DNTT: variants seen among roughly 807,000 people sequenced by gnomAD.
DNTT encodes the protein DNA nucleotidylexotransferase, also known as nucleosidetriphosphate:DNA deoxynucleotidylexotransferase.
DNTT carries 47 observed loss-of-function variants against 60.9 expected under a neutral mutation model. The ratio of observed to expected loss-of-function variants is 0.77; its 90% CI spans 0.61 to 0.98. DNTT has a LOEUF of 0.98. Among genes scored for constraint, DNTT ranks in the 50% least tolerant of loss-of-function variants. The pLI, the probability that DNTT is intolerant of heterozygous loss-of-function variation, is 0.00. For synonymous variants in DNTT, 224 were observed against 221.2 expected, an observed-to-expected ratio of 1.01 and a Z score of -0.11; for missense variants, 665 against 627.5, an observed-to-expected ratio of 1.06 and a Z score of -0.64.
chr10:96,320,935 T>C, intron 4 of DNTT, 147 bp downstream of exon 4: 1 of 561,620 alleles, frequency 1.8e-6, no homozygotes, highest in Non-Finnish European at 2.7e-6. Flanking sequence ...CTCTCTCTCC[T>C]CTGTCTCTCT....
chr10:96,336,027 C>A (rs1466213694), intron 10 of DNTT, 53 bp downstream of exon 10: 3 of 1,583,000 alleles, frequency 1.9e-6, no homozygotes, highest in African/African-American at 2.7e-5. Flanking sequence ...CCAAGGCTGG[C>A]CCCCGAGCTT....
rs574457767 is a variant in DNTT, at chr10:96,333,514, C to T, written c.1359+918C>T. On this transcript the variant is annotated intron_variant, in intron 9 of 10. Transcript: ENST00000371174. Reference sequence around the variant, plus strand: ...TATGTCAAAGAGAGGTCTGCACTCCCGTGTTCATTGCAGCATGATACACCA... The same window carrying T: ...TATGTCAAAGAGAGGTCTGCACTCCTGTGTTCATTGCAGCATGATACACCA... Among the ~76,000 whole-genome samples the T allele has an allele frequency of 6.2e-4, 95 of 152,300 alleles. 2 individuals carry two copies. In the South Asian group the frequency reaches 0.011, roughly 18 times the overall value.
chr10:96,306,942 C>A (rs2133981316), intron 1 of DNTT, among the ~76,000 whole-genome samples: 1 of 152,356 alleles, frequency 6.6e-6, no homozygotes, highest in South Asian at 2.1e-4. Flanking sequence ...GGACAAATCT[C>A]TAGATACGAA....
intron 8 of DNTT, among the ~76,000 whole-genome samples, chr10:96,329,652 G>A (rs1025068956): frequency 6.6e-6 from 1 of 152,236 alleles, no homozygotes; most frequent in Non-Finnish European, 1.5e-5. Flanking sequence ...CACAACCCTA[G>A]GGCCAGGGGC....
chr10:96,328,932 A>G, intron 8 of DNTT, 102 bp downstream of exon 8: 3 of 1,158,110 alleles, frequency 2.6e-6, no homozygotes, highest in Non-Finnish European at 3.7e-6. Flanking sequence ...CATCTAATCA[A>G]TTCTCAATTA....
chr10:96,325,710 A>G (rs368757029), intron 6 of DNTT, among the ~76,000 whole-genome samples: 5 of 152,228 alleles, frequency 3.3e-5, no homozygotes, highest in African/African-American at 1.2e-4. Context: ...ATGCCCTCCC[A>G]TTATACTTAT....
chr10:96,329,727 C>T (rs1175757871), intron 8 of DNTT, among the ~76,000 whole-genome samples: 3 of 152,304 alleles, frequency 2.0e-5, no homozygotes, highest in Admixed American at 6.5e-5. Flanking sequence ...TACTGGGCGT[C>T]GAGTCTTCCC....
chr10:96,307,777 A>ATATTTTTTT lies in DNTT; in HGVS notation c.203+3078_203+3079insATTTTTTTT, dbSNP rs768634575. 2.1e-4 allele frequency among the ~76,000 whole-genome samples: 27 copies of ATATTTTTTT among 126,032 alleles called. 3 individuals carry two copies. The highest frequency in any genetic ancestry group is 8.0e-4 in the African/African-American group (26 of 32,398). The allele number at this position is 126,032 out of a possible 152,430, so 82.7% of individuals were successfully genotyped here. On this transcript the variant is annotated intron_variant, in intron 1 of 10. Transcript: ENST00000371174. ...TGTGTGCATATATATATATATATATATTTTTTTTTTTTGAGGCAGGGTCTT... is the reference window on the plus strand; with the variant it reads ...TGTGTGCATATATATATATATATATATATTTTTTTTTTTTTTTTTTTGAGGCAGGGTCTT...
intron 6 of DNTT, among the ~76,000 whole-genome samples, chr10:96,326,380 C>T (rs534143880): frequency 2.6e-5 from 4 of 152,118 alleles, no homozygotes; most frequent in South Asian, 4.1e-4. Flanking sequence ...CCACAAGTGG[C>T]GTGGTTTGGT....
At position 96,328,661 on chromosome 10, in the gene DNTT, G is replaced by A. The variant is rs1844967886; in HGVS notation, c.1008-64G>A. ...AAGCATAGGGCATAGAAACAAAGGT[G>A]ATTTTTTAAAAATGAAGACTAATAT... On this transcript the variant is annotated intron_variant, in intron 7 of 10. Transcript: ENST00000371174. 5 of 1,530,738 alleles carry A rather than the reference G, an allele frequency of 3.3e-6. No individual in the cohort carries two copies. In the South Asian group the frequency reaches 6.0e-5, roughly 18 times the overall value. 94.8% of individuals were successfully genotyped at this position (1,530,738 alleles called of 1,614,324 possible).
At chr10:96,336,268 A>C (rs1360151368) in intron 10 of DNTT, among the ~76,000 whole-genome samples, 1 of 152,210 alleles carries the variant, frequency 6.6e-6, no homozygotes, top group Non-Finnish European at 1.5e-5. Flanking sequence ...TGGTGTTGGC[A>C]ATGAGTAACT....
rs1451144331 is a variant in DNTT at position 96,332,597 on chromosome 10, G to A, written c.1359+1G>A. On this transcript the variant is annotated splice_donor_variant, in intron 9 of 10. Coordinates refer to ENST00000371174, the MANE Select transcript of DNTT (RefSeq NM_004088.4). LOFTEE classifies it high-confidence loss of function. ...CCTGTTGGGATGGACTGGCTCCCGG[G>A]TAAGTGCTACATGGACCCATGGGAT... 1 of 1,613,094 alleles carries A rather than the reference G, an allele frequency of 6.2e-7. No homozygotes were observed. Among genetic ancestry groups the A allele is most frequent in the South Asian group, 1.1e-5 (1 of 91,012 alleles).
At chr10:96,309,497 C>CA (rs960339933) in intron 1 of DNTT, among the ~76,000 whole-genome samples, 12 of 151,824 alleles carry the variant, frequency 7.9e-5, no homozygotes, top group Non-Finnish European at 1.6e-4. Flanking sequence ...TTTGCCTGCT[C>CA]ATTTTTTACT....
chr10:96,318,633 G>A, intron 2 of DNTT, 107 bp downstream of exon 2: 1 of 1,374,966 alleles, frequency 7.3e-7, no homozygotes, highest in Non-Finnish European at 9.8e-7. Context: ...CTTACTACCT[G>A]TGTGACCTTG....
At chr10:96,333,080 C>T (rs1202024566) in intron 9 of DNTT, among the ~76,000 whole-genome samples, 1 of 152,122 alleles carries the variant, frequency 6.6e-6, no homozygotes, top group African/African-American at 2.4e-5. Flanking sequence ...CACATAAGGG[C>T]CATTATCCAG....
intron 8 of DNTT, among the ~76,000 whole-genome samples, chr10:96,330,315 G>GTT (rs1844991149): frequency 2.0e-5 from 1 of 49,792 alleles, no homozygotes; most frequent in Non-Finnish European, 4.3e-5. Context: ...AGCTTTGTGG[G>GTT]CTTTTTTTTT....
intron 5 of DNTT, among the ~76,000 whole-genome samples, 178 bp downstream of exon 5, chr10:96,322,906 C>T (rs922715906): frequency 7.9e-5 from 12 of 152,208 alleles, no homozygotes; most frequent in African/African-American, 2.9e-4. Context: ...GGGTCAGTTT[C>T]TGGTGAGGGT....
intron 4 of DNTT, among the ~76,000 whole-genome samples, chr10:96,322,209 A>G (rs955633955): frequency 6.6e-6 from 1 of 152,164 alleles, no homozygotes; most frequent in African/African-American, 2.4e-5. Context: ...AATTATCCCA[A>G]CTCTACTCAG....
chr10:96,334,152 C>G lies in DNTT; in HGVS notation c.1359+1556C>G, dbSNP rs1845040291. On this transcript the variant is annotated intron_variant, in intron 9 of 10. Transcript: ENST00000371174. Reference sequence around the variant, plus strand: ...AAGCTATAAAATTTTTCTGAAAGAGCACAAGTTGAGTTCATCCCAGACCTG... The same window carrying G: ...AAGCTATAAAATTTTTCTGAAAGAGGACAAGTTGAGTTCATCCCAGACCTG... Among the ~76,000 whole-genome samples the G allele has an allele frequency of 3.3e-5, 5 of 152,118 alleles. No homozygotes were observed. The South Asian group carries it at 1.0e-3, about 32-fold the overall frequency.
Sources: allele counts gnomAD v4.1 joint callset (sites outside exome capture counted in the v4.1 genomes callset), GRCh38; gene constraint gnomAD v4.1.1; transcripts MANE v1.5; gene names NCBI Gene and HGNC (gene_info 2026-07-23, HGNC 2026-07-21).